NSUN7: variants seen among roughly 807,000 people sequenced by gnomAD.
The protein encoded by NSUN7 is protein NSUN7.
In NSUN7, 39 loss-of-function variants were observed where a neutral mutation model predicts 58.5. The observed-to-expected ratio is 0.67, with a 90% CI of 0.52 to 0.87. The LOEUF is 0.87. Among genes scored for constraint, NSUN7 ranks in the 40% least tolerant of loss-of-function variants. The pLI, the probability that NSUN7 is intolerant of heterozygous loss-of-function variation, is 0.00. For missense variants in NSUN7, 765 were observed against 844.1 expected, an observed-to-expected ratio of 0.91 and a Z score of 1.16; for synonymous variants, 278 against 303.7, an observed-to-expected ratio of 0.92 and a Z score of 0.88.
chr4:40,757,902 T>TTTGTTTGTTTG (rs1553917141), intron 2 of NSUN7, among the ~76,000 whole-genome samples: 40 of 148,496 alleles, frequency 2.7e-4, no homozygotes, highest in African/African-American at 8.7e-4. Context: ...CTATTCCTGT[T>TTTGTTTGTTTG]TTTGTTTGTT....
chr4:40,808,857 C>A lies in NSUN7; in HGVS notation c.2075C>A (p.Thr692Lys), dbSNP rs1216693331. Reference sequence around the variant, plus strand: ...GCACTTGTGCCCACCTGCCTTCCCACACACTCACTATCCAGAAAAGAGGAA... The same window carrying A: ...GCACTTGTGCCCACCTGCCTTCCCAAACACTCACTATCCAGAAAAGAGGAA... ...PKALVPTCLP[T>K]HSLSRKEEKP... Residue 692 changes from threonine to lysine, a missense_variant, in exon 12 of 12, where the codon ACA (threonine) becomes AAA (lysine). By Grantham distance (78) the Thr-to-Lys change is moderately conservative. Transcript: ENST00000381782. 4 of 1,549,030 alleles carry A rather than the reference C, an allele frequency of 2.6e-6. No individual in the cohort carries two copies. The highest frequency in any genetic ancestry group is 3.5e-6 in the Non-Finnish European group (4 of 1,146,716).
chr4:40,801,153 A>T (rs889922349), intron 10 of NSUN7, among the ~76,000 whole-genome samples: 4 of 152,148 alleles, frequency 2.6e-5, no homozygotes, highest in African/African-American at 9.7e-5. Flanking sequence ...ATGGGAGAAG[A>T]GGGCCACATT....
chr4:40,799,073 CTTTTT>C (rs761448412), intron 10 of NSUN7, among the ~76,000 whole-genome samples, 169 bp downstream of exon 10: 1 of 76,208 alleles, frequency 1.3e-5, no homozygotes, highest in African/African-American at 5.0e-5. Flanking sequence ...GGGCCTTTTT[CTTTTT>C]TTTTTTTTTT....
intron 10 of NSUN7, among the ~76,000 whole-genome samples, chr4:40,802,783 CTTT>C (rs34373539): frequency 7.2e-5 from 10 of 138,906 alleles, no homozygotes; most frequent in East Asian, 2.1e-4. Context: ...GCATTCTATT[CTTT>C]TTTTTTTTTT....
At chr4:40,807,005 C>T in intron 10 of NSUN7, 56 bp from the exon 11 acceptor site, 1 of 1,525,476 alleles carries the variant, frequency 6.6e-7, no homozygotes, top group South Asian at 1.3e-5. Flanking sequence ...TACTTTCTTC[C>T]TCTCTTGGCA....
At chr4:40,755,782 G>A (rs1741114066) in intron 2 of NSUN7, among the ~76,000 whole-genome samples, 1 of 152,210 alleles carries the variant, frequency 6.6e-6, no homozygotes, top group Non-Finnish European at 1.5e-5. Flanking sequence ...TGAAAGGACA[G>A]ATTAAAATCA....
rs1560568511 is a variant in NSUN7, at chr4:40,808,856, A to G, written c.2074A>G (p.Thr692Ala). The G allele has an allele frequency of 8.4e-6, 13 of 1,548,594 alleles. No individual in the cohort carries two copies. Among genetic ancestry groups the G allele is most frequent in the Admixed American group, 2.0e-5 (1 of 50,778 alleles). Reference sequence around the variant, plus strand: ...GGCACTTGTGCCCACCTGCCTTCCCACACACTCACTATCCAGAAAAGAGGA... The same window carrying G: ...GGCACTTGTGCCCACCTGCCTTCCCGCACACTCACTATCCAGAAAAGAGGA... ...PKALVPTCLP[T>A]HSLSRKEEKP... The change falls in exon 12 of 12, where the codon ACA becomes GCA. Residue 692 changes from threonine to alanine, a missense_variant. Physicochemically the swap from Thr to Ala is moderately conservative, Grantham distance 58 (BLOSUM62 0). Transcript: ENST00000381782.
chr4:40,797,486 C>T (rs1271019894), intron 9 of NSUN7, among the ~76,000 whole-genome samples: 1 of 152,242 alleles, frequency 6.6e-6, no homozygotes, highest in Non-Finnish European at 1.5e-5. Flanking sequence ...ACTGCCATTT[C>T]AGTTAATGAT....
At chr4:40,753,738 A>G (rs1740956509) in intron 2 of NSUN7, among the ~76,000 whole-genome samples, 1 of 152,160 alleles carries the variant, frequency 6.6e-6, no homozygotes, top group African/African-American at 2.4e-5. Flanking sequence ...CTCATCTTGA[A>G]TTCCCACGTA....
chr4:40,754,690 G>A (rs1319036891), intron 2 of NSUN7, among the ~76,000 whole-genome samples: 1 of 152,114 alleles, frequency 6.6e-6, no homozygotes, highest in Admixed American at 6.5e-5. Context: ...TTGAGTAATG[G>A]TCCCTTTTGT....
intron 4 of NSUN7, among the ~76,000 whole-genome samples, chr4:40,765,760 G>A (rs1741694730): frequency 6.6e-6 from 1 of 152,094 alleles, no homozygotes; most frequent in African/African-American, 2.4e-5. Context: ...ATTTCATTGA[G>A]CAGTGGTTTG....
chr4:40,774,907 T>A lies in NSUN7; in HGVS notation c.782T>A (p.Leu261His). The change falls in exon 6 of 12, where the codon CTT (leucine) becomes CAT (histidine). Residue 261 changes from leucine to histidine, a missense_variant. Transcript: ENST00000381782. Reference sequence around the variant, plus strand: ...TTTCCATCTCATCTTAAAAATGATCTTATAAATATAGATCTTTTCAAAGAT... The same window carrying A: ...TTTCCATCTCATCTTAAAAATGATCATATAAATATAGATCTTTTCAAAGAT... ...LIFPSHLKND[L>H]INIDLFKDYK... is the part of the protein sequence containing the mutation. 8.0e-7 allele frequency: 1 copy of A among 1,254,256 alleles called. No homozygotes were observed. The highest frequency in any genetic ancestry group is 1.2e-5 in the South Asian group (1 of 80,872). 77.7% of individuals were successfully genotyped at this position (1,254,256 alleles called of 1,614,324 possible).
chr4:40,763,995 G>A (rs1283200835), intron 4 of NSUN7, among the ~76,000 whole-genome samples: 3 of 152,036 alleles, frequency 2.0e-5, no homozygotes, highest in African/African-American at 7.2e-5. Context: ...GTAGCACATT[G>A]CTGAGAAAAT....
intron 4 of NSUN7, among the ~76,000 whole-genome samples, chr4:40,770,498 G>A (rs576951371): frequency 3.9e-5 from 6 of 152,220 alleles, no homozygotes; most frequent in South Asian, 4.2e-4. Context: ...AGGTACTACC[G>A]TAGTAAACTT....
chr4:40,786,806 T>G, intron 7 of NSUN7: 1 of 1,268,392 alleles, frequency 7.9e-7, no homozygotes, highest in South Asian at 1.5e-5. Context: ...TGCCTGCCTG[T>G]CTGCCCTCCT....
At chr4:40,763,432 G>A (rs913217389) in intron 4 of NSUN7, among the ~76,000 whole-genome samples, 1 of 152,108 alleles carries the variant, frequency 6.6e-6, no homozygotes, top group Admixed American at 6.6e-5. Flanking sequence ...GACAGGCTCC[G>A]AGTTTCAGTT....
chr4:40,764,378 T>G (rs1418719125), intron 4 of NSUN7, among the ~76,000 whole-genome samples: 1 of 151,912 alleles, frequency 6.6e-6, no homozygotes, highest in Non-Finnish European at 1.5e-5. Context: ...TGATTTCCAA[T>G]TTCATCCATG....
intron 2 of NSUN7, among the ~76,000 whole-genome samples, chr4:40,759,302 C>T (rs141201927): frequency 6.6e-6 from 1 of 152,192 alleles, no homozygotes; most frequent in East Asian, 1.9e-4. Flanking sequence ...TAGAGCGAGA[C>T]TCTGTCTCAT....
At chr4:40,755,658 G>T (rs1741106599) in intron 2 of NSUN7, among the ~76,000 whole-genome samples, 1 of 152,140 alleles carries the variant, frequency 6.6e-6, no homozygotes, top group Admixed American at 6.5e-5. Context: ...TAGCTTTTGC[G>T]AATTAGTAAC....
Sources: allele counts gnomAD v4.1 joint callset (sites outside exome capture counted in the v4.1 genomes callset), GRCh38; gene constraint gnomAD v4.1.1; transcripts MANE v1.5; gene names NCBI Gene and HGNC (gene_info 2026-07-23, HGNC 2026-07-21).